Variants in IQCM observed in about 807,000 individuals in gnomAD.
The protein encoded by IQCM is IQ domain-containing protein M.
Under a neutral mutation model 57.6 loss-of-function variants are expected in IQCM, and 45 were observed. That is an observed-to-expected ratio of 0.78 (90% CI 0.62 to 1.00). The LOEUF (loss-of-function observed/expected upper bound fraction) is 1.00, where lower values mean the gene tolerates loss of function less well. Ranked by LOEUF, IQCM falls within the 50% of genes least tolerant of loss-of-function variation. The pLI is 0.00. For synonymous variants in IQCM, 148 were observed against 158.9 expected, an observed-to-expected ratio of 0.93 and a Z score of 0.51; for missense variants, 468 against 511.6, an observed-to-expected ratio of 0.91 and a Z score of 0.82.
At chr4:149,386,937 A>G (rs1560793660) in intron 13 of IQCM, among the ~76,000 whole-genome samples, 1 of 152,056 alleles carries the variant, frequency 6.6e-6, no homozygotes, top group Admixed American at 6.6e-5. Flanking sequence ...AAAACTACAT[A>G]AGTGATGCTG....
At chr4:149,642,617 AAGCTC>A (rs1758291472) in intron 7 of IQCM, among the ~76,000 whole-genome samples, 1 of 152,158 alleles carries the variant, frequency 6.6e-6, no homozygotes, top group Non-Finnish European at 1.5e-5. Context: ...AGCTCCTTCA[AAGCTC>A]AGCCATCCAA....
chr4:149,509,859 G>A (rs978152840), intron 12 of IQCM, among the ~76,000 whole-genome samples: 7 of 151,554 alleles, frequency 4.6e-5, no homozygotes, highest in African/African-American at 1.7e-4. Context: ...TTGAATCTTT[G>A]GTCCAATGTA....
intron 13 of IQCM, among the ~76,000 whole-genome samples, chr4:149,425,593 CT>C (rs1734411770): frequency 6.6e-6 from 1 of 151,870 alleles, no homozygotes; most frequent in Admixed American, 6.6e-5. Context: ...ACCTTTTTTT[CT>C]ATTTAAATCC....
At chr4:149,736,754 C>A (rs559750810) in intron 3 of IQCM, among the ~76,000 whole-genome samples, 11 of 152,138 alleles carry the variant, frequency 7.2e-5, no homozygotes, top group Non-Finnish European at 1.3e-4. Flanking sequence ...TGTAAAATAG[C>A]ATAATCAGTT....
intron 7 of IQCM, among the ~76,000 whole-genome samples, chr4:149,662,516 G>A (rs1760316262): frequency 6.6e-6 from 1 of 151,812 alleles, no homozygotes; most frequent in South Asian, 2.1e-4. Flanking sequence ...GGGTGTTAAA[G>A]TGCTCTACTA....
At chr4:149,787,687 C>T (rs760843758) in intron 2 of IQCM, among the ~76,000 whole-genome samples, 11 of 151,686 alleles carry the variant, frequency 7.3e-5, no homozygotes, top group Non-Finnish European at 8.8e-5. Context: ...AAAAATCAAC[C>T]GAAGCTAGAT....
intron 2 of IQCM, among the ~76,000 whole-genome samples, chr4:149,754,035 T>A (rs1430511957): frequency 6.6e-6 from 1 of 152,184 alleles, no homozygotes; most frequent in Non-Finnish European, 1.5e-5. Context: ...TCTTTTGAAC[T>A]GGCTCTCACC....
chr4:149,387,817 G>T (rs1731530794), intron 13 of IQCM, among the ~76,000 whole-genome samples: 1 of 150,682 alleles, frequency 6.6e-6, no homozygotes, highest in African/African-American at 2.4e-5. Context: ...CTCCCAAAAA[G>T]CCCACCCATT....
intron 10 of IQCM, among the ~76,000 whole-genome samples, chr4:149,554,003 C>T (rs1310816523): frequency 6.6e-6 from 1 of 152,064 alleles, no homozygotes; most frequent in African/African-American, 2.4e-5. Context: ...CATTTTCTGG[C>T]TTATTAATGT....
rs559929967 is a variant in IQCM, at chr4:149,442,568, A to G, written c.1229-9011T>C. On this transcript the variant is annotated intron_variant, in intron 12 of 13. Transcript: ENST00000636793. Reference sequence around the variant, plus strand: ...CACTAATTAAGCTTTCTGCCACTACATAACAAGAATCTCTTCTCGTCCAGT... The same window carrying G: ...CACTAATTAAGCTTTCTGCCACTACGTAACAAGAATCTCTTCTCGTCCAGT... 4.9e-4 allele frequency among the ~76,000 whole-genome samples: 74 copies of G among 152,262 alleles called. 1 individual carries two copies. The South Asian group carries it at 0.015, about 32-fold the overall frequency.
intron 5 of IQCM, among the ~76,000 whole-genome samples, chr4:149,720,922 T>C (rs1388827544): frequency 6.6e-6 from 1 of 152,238 alleles, no homozygotes; most frequent in African/African-American, 2.4e-5. Flanking sequence ...TAATTTTCCA[T>C]CTCATTGAAA....
intron 8 of IQCM, among the ~76,000 whole-genome samples, chr4:149,620,188 A>G (rs533557817): frequency 6.6e-6 from 1 of 152,132 alleles, no homozygotes; most frequent in East Asian, 1.9e-4. Flanking sequence ...GAAGAAGAAG[A>G]AAGACAATGT....
intron 2 of IQCM, among the ~76,000 whole-genome samples, chr4:149,761,908 A>G (rs1225973273): frequency 6.6e-6 from 1 of 152,116 alleles, no homozygotes; most frequent in African/African-American, 2.4e-5. Context: ...TAAGAGCAGT[A>G]AAAACTTTTT....
At chr4:149,630,336 A>G (rs1406431082) in intron 7 of IQCM, among the ~76,000 whole-genome samples, 1 of 152,210 alleles carries the variant, frequency 6.6e-6, no homozygotes, top group East Asian at 1.9e-4. Context: ...GCATAACCAC[A>G]GTTACTGGAA....
At chr4:149,544,246 A>T (rs2149884549) in intron 12 of IQCM, among the ~76,000 whole-genome samples, 1 of 152,284 alleles carries the variant, frequency 6.6e-6, no homozygotes, top group South Asian at 2.1e-4. Context: ...AACAAAAATC[A>T]GTTGCATTTC....
At chr4:149,690,153 A>G (rs557932375) in intron 5 of IQCM, among the ~76,000 whole-genome samples, 1 of 152,320 alleles carries the variant, frequency 6.6e-6, no homozygotes, top group South Asian at 2.1e-4. Flanking sequence ...AAAGACATAG[A>G]ACCAACTCAA....
At chr4:149,612,270 CA>C (rs752962250) in intron 8 of IQCM, among the ~76,000 whole-genome samples, 8 of 152,246 alleles carry the variant, frequency 5.3e-5, no homozygotes, top group Non-Finnish European at 1.0e-4. Context: ...GACCCAGAGC[CA>C]AACCATACTA....
At chr4:149,617,328 G>A (rs1755884332) in intron 8 of IQCM, among the ~76,000 whole-genome samples, 1 of 152,158 alleles carries the variant, frequency 6.6e-6, no homozygotes, top group Admixed American at 6.6e-5. Context: ...TGTTATAGGT[G>A]TTGGTATTTT....
At chr4:149,430,632 A>G (rs2111257183) in intron 13 of IQCM, among the ~76,000 whole-genome samples, 1 of 152,070 alleles carries the variant, frequency 6.6e-6, no homozygotes, top group South Asian at 2.1e-4. Flanking sequence ...TTTCACTCGC[A>G]TACTTATTTT....
Sources: gnomAD v4.1 joint callset for allele counts (sites outside exome capture counted in the v4.1 genomes callset) on GRCh38, gnomAD v4.1.1 for gene constraint, MANE v1.5 for transcripts, NCBI Gene and HGNC (gene_info 2026-07-23, HGNC 2026-07-21) for gene names.